Variants in ZNHIT6 observed in about 807,000 individuals in gnomAD.
ZNHIT6 encodes the protein zinc finger HIT-type containing 6.
A neutral mutation model predicts 57.2 loss-of-function variants in ZNHIT6; 45 were observed. The ratio of observed to expected loss-of-function variants is 0.79; its 90% confidence interval spans 0.62 to 1.01. The LOEUF is 1.01. ZNHIT6 is among the 50% of genes least tolerant of loss of function. The pLI, the probability that ZNHIT6 is intolerant of heterozygous loss-of-function variation, is 0.00. For synonymous variants in ZNHIT6, 188 were observed against 190.0 expected (o/e 0.99, Z 0.09); for missense variants, 528 against 567.3 (o/e 0.93, Z 0.70).
intron 9 of ZNHIT6, among the ~76,000 whole-genome samples, chr1:85,657,522 C>A (rs1030647328): frequency 6.8e-6 from 1 of 146,980 alleles, no homozygotes; most frequent in Non-Finnish European, 1.5e-5. Context: ...AGTAAATGTA[C>A]GTGATCATGG....
chr1:85,667,961 A>AAAAAAAAAAAAATGTATAT, intron 8 of ZNHIT6, among the ~76,000 whole-genome samples: 1 of 18,202 alleles, frequency 5.5e-5, no homozygotes, highest in Non-Finnish European at 9.9e-5. Flanking sequence ...AAAAAAAAAA[A>AAAAAAAAAAAAATGTATAT]ATATATATAT....
intron 8 of ZNHIT6, among the ~76,000 whole-genome samples, chr1:85,658,957 C>T (rs551468505): frequency 6.6e-6 from 1 of 152,084 alleles, no homozygotes; most frequent in African/African-American, 2.4e-5. Flanking sequence ...ATTTGAATTC[C>T]TCAAATATAT....
chr1:85,707,479 C>T, intron 1 of ZNHIT6, 150 bp downstream of exon 1: 1 of 764,578 alleles, frequency 1.3e-6, no homozygotes, highest in Non-Finnish European at 2.0e-6. Flanking sequence ...CACTTCCCAA[C>T]CCACCCCCGC....
intron 8 of ZNHIT6, among the ~76,000 whole-genome samples, chr1:85,663,576 A>G (rs1233840929): frequency 6.6e-6 from 1 of 152,226 alleles, no homozygotes; most frequent in Non-Finnish European, 1.5e-5. Flanking sequence ...ATGGAAGTTC[A>G]TAGAAATAAA....
At chr1:85,686,207 C>T (rs1048381361) in intron 5 of ZNHIT6, among the ~76,000 whole-genome samples, 3 of 150,702 alleles carry the variant, frequency 2.0e-5, no homozygotes, top group South Asian at 2.1e-4. Context: ...ATGATACGCC[C>T]GCCTCGGCCT....
chr1:85,665,580 C>T (rs1167387240), intron 8 of ZNHIT6, among the ~76,000 whole-genome samples: 1 of 152,066 alleles, frequency 6.6e-6, no homozygotes, highest in African/African-American at 2.4e-5. Context: ...GTATACAATA[C>T]AGTATTGTTA....
chr1:85,680,265 CA>C (rs1661835631), intron 6 of ZNHIT6, among the ~76,000 whole-genome samples: 1 of 152,176 alleles, frequency 6.6e-6, no homozygotes, highest in African/African-American at 2.4e-5. Context: ...AACAGTAACA[CA>C]AAAACTTTAT....
At position 85,653,707 on chromosome 1, in the gene ZNHIT6, G is replaced by T. The variant is rs1221701083; in HGVS notation, c.*351C>A. The stretch of plus-strand genomic sequence containing the variant: ...GAGCCCAGGAATTTGAGGAAGCTAT[G>T]CTCATACCACTTGCACTCCAAGACC... On this transcript the variant is annotated 3_prime_UTR_variant, in exon 10 of 10. Transcript: ENST00000370574. The T allele has an allele frequency of 1.7e-5, 3 of 172,694 alleles. No homozygotes were observed. Among genetic ancestry groups the T allele is most frequent in the Admixed American group, 1.3e-4 (2 of 15,752 alleles). The allele number at this position is 172,694 out of a possible 1,614,324, so 10.7% of individuals were successfully genotyped here.
Position 85,706,078 on chromosome 1 carries a change from A to G in ZNHIT6, c.915T>C (p.Tyr305=), listed in dbSNP as rs748332760. Residue 305 remains tyrosine (Y), a splice_region_variant and synonymous_variant, in exon 4 of 10, where the codon TAT becomes TAC. Transcript: ENST00000370574. ...AFLKRPISNK[Y]MYFMKNRARR... ...GGAAGAAATTAGGAAAAAATCTTAC[A>G]TATTTATTGCTTATTGGTCTCTTCA... The G allele has an allele frequency of 1.2e-6, 2 of 1,603,964 alleles. No homozygotes were observed. The highest frequency in any genetic ancestry group is 2.3e-5 in the South Asian group (2 of 88,624).
intron 5 of ZNHIT6, among the ~76,000 whole-genome samples, chr1:85,694,570 T>A (rs1662310336): frequency 6.6e-6 from 1 of 152,116 alleles, no homozygotes. Context: ...CACACCATTC[T>A]CCTGCCTCAG....
intron 8 of ZNHIT6, among the ~76,000 whole-genome samples, chr1:85,666,544 C>T (rs961905746): frequency 6.6e-6 from 1 of 152,154 alleles, no homozygotes; most frequent in African/African-American, 2.4e-5. Flanking sequence ...TACAGGCTCT[C>T]AAACTAACCT....
At chr1:85,654,445 AT>A (rs770747839) in intron 9 of ZNHIT6, among the ~76,000 whole-genome samples, 13 of 151,784 alleles carry the variant, frequency 8.6e-5, no homozygotes, top group Non-Finnish European at 1.5e-4. Flanking sequence ...TTTTTCCATG[AT>A]TTTTTTTTAA....
At chr1:85,679,254 A>G (rs553737174) in intron 6 of ZNHIT6, among the ~76,000 whole-genome samples, 56 of 152,338 alleles carry the variant, frequency 3.7e-4, no homozygotes, top group African/African-American at 1.3e-3. Flanking sequence ...TTTCTTCCAT[A>G]TATGCACGCT....
At chr1:85,669,524 C>T (rs1358118978) in intron 8 of ZNHIT6, among the ~76,000 whole-genome samples, 1 of 152,122 alleles carries the variant, frequency 6.6e-6, no homozygotes, top group Non-Finnish European at 1.5e-5. Context: ...AAAACCAGCA[C>T]AGGAGGAAAC....
At chr1:85,673,747 CTTT>C (rs1661628170) in intron 8 of ZNHIT6, among the ~76,000 whole-genome samples, 2 of 68,062 alleles carry the variant, frequency 2.9e-5, no homozygotes, top group Non-Finnish European at 7.1e-5. Context: ...ATGTACTTTC[CTTT>C]AAGGATGTAA....
At chr1:85,689,835 A>G (rs1662168179) in intron 5 of ZNHIT6, among the ~76,000 whole-genome samples, 1 of 152,132 alleles carries the variant, frequency 6.6e-6, no homozygotes. Context: ...CCTACAATGT[A>G]TGGGAAAGCC....
intron 5 of ZNHIT6, among the ~76,000 whole-genome samples, chr1:85,685,712 C>A (rs1169877174): frequency 6.6e-6 from 1 of 151,912 alleles, no homozygotes; most frequent in Non-Finnish European, 1.5e-5. Context: ...CAAGTAGCTA[C>A]CACAGCTGGC....
At chr1:85,678,023 C>G (rs1661756613) in intron 7 of ZNHIT6, among the ~76,000 whole-genome samples, 1 of 150,282 alleles carries the variant, frequency 6.7e-6, no homozygotes, top group South Asian at 2.1e-4. Context: ...GAAGTGTTAT[C>G]ATTCTTATTT....
chr1:85,672,618 A>G (rs1661589731), intron 8 of ZNHIT6, among the ~76,000 whole-genome samples: 1 of 152,206 alleles, frequency 6.6e-6, no homozygotes, highest in Non-Finnish European at 1.5e-5. Flanking sequence ...TTTAAGACTT[A>G]GACATAGGTT....
Sources: allele counts gnomAD v4.1 joint callset (sites outside exome capture counted in the v4.1 genomes callset), GRCh38; gene constraint gnomAD v4.1.1; transcripts MANE v1.5; gene names NCBI Gene and HGNC (gene_info 2026-07-23, HGNC 2026-07-21).